Variants in TNIK observed in about 807,000 individuals in gnomAD.
The protein encoded by TNIK is TRAF2 and NCK interacting kinase.
TNIK carries 49 observed loss-of-function variants against 191.3 expected under a neutral mutation model. The observed-to-expected ratio is 0.26, with a 90% CI of 0.20 to 0.32. The LOEUF (loss-of-function observed/expected upper bound fraction) is 0.32, where lower values mean the gene tolerates loss of function less well. Ranked by LOEUF, TNIK falls within the 10% of genes least tolerant of loss-of-function variation. The pLI is 1.00. For synonymous variants in TNIK, 594 were observed against 600.9 expected, an observed-to-expected ratio of 0.99 and a Z score of 0.17; for missense variants, 1,155 against 1,702.3, an observed-to-expected ratio of 0.68 and a Z score of 5.66.
At chr3:171,305,672 A>T (rs7634626) in intron 2 of TNIK, among the ~76,000 whole-genome samples, 70,659 of 151,970 alleles carry the variant, frequency 0.46, 17,070 homozygotes, top group Non-Finnish European at 0.51. Context: ...AGATACAATC[A>T]CACACCAGTC....
chr3:171,419,051 A>G (rs1257718938), intron 1 of TNIK, among the ~76,000 whole-genome samples: 1 of 152,168 alleles, frequency 6.6e-6, no homozygotes, highest in Non-Finnish European at 1.5e-5. Flanking sequence ...TAAGTATATT[A>G]ATCCTACCAG....
intron 2 of TNIK, among the ~76,000 whole-genome samples, chr3:171,339,103 T>A (rs902638358): frequency 2.0e-5 from 3 of 152,252 alleles, no homozygotes; most frequent in African/African-American, 2.4e-5. Context: ...GAGGGCTAAA[T>A]ACACATTTCT....
chr3:171,315,992 C>T (rs1360903888), intron 2 of TNIK, among the ~76,000 whole-genome samples: 1 of 152,168 alleles, frequency 6.6e-6, no homozygotes, highest in Admixed American at 6.6e-5. Flanking sequence ...TTTTATACTA[C>T]TGCCTTCTTA....
At chr3:171,313,866 C>A (rs919538106) in intron 2 of TNIK, among the ~76,000 whole-genome samples, 8 of 152,096 alleles carry the variant, frequency 5.3e-5, no homozygotes, top group Admixed American at 3.9e-4. Context: ...GATCTGAGTG[C>A]CTTGAGAACT....
At chr3:171,430,953 G>A (rs1725298432) in intron 1 of TNIK, among the ~76,000 whole-genome samples, 1 of 152,070 alleles carries the variant, frequency 6.6e-6, no homozygotes, top group African/African-American at 2.4e-5. Flanking sequence ...TTTGCATGTT[G>A]CAGAAGATAA....
At chr3:171,356,861 G>A (rs1221797042) in intron 2 of TNIK, among the ~76,000 whole-genome samples, 1 of 152,030 alleles carries the variant, frequency 6.6e-6, no homozygotes, top group Non-Finnish European at 1.5e-5. Context: ...TGAATATGAA[G>A]GTTTCAAAAC....
rs73030920 is a variant in TNIK, at chr3:171,277,570, T to C, written c.124-49349A>G. On this transcript the variant is annotated intron_variant, in intron 2 of 32. Coordinates refer to ENST00000436636, the MANE Select transcript of TNIK (RefSeq NM_015028.4). ...ACGTATCAGCAACTTACCAGAGGAGTTTCTGTGGGCTGGTTTAGGAAATGA... is the reference window on the plus strand; with the variant it reads ...ACGTATCAGCAACTTACCAGAGGAGCTTCTGTGGGCTGGTTTAGGAAATGA... 1.6e-3 allele frequency among the ~76,000 whole-genome samples: 244 copies of C among 151,340 alleles called. 1 individual carries two copies. The highest frequency in any genetic ancestry group is 5.7e-3 in the African/African-American group (237 of 41,246).
At chr3:171,110,334 C>CTAAACAGGACA (rs1725653670) in intron 19 of TNIK, among the ~76,000 whole-genome samples, 1 of 152,118 alleles carries the variant, frequency 6.6e-6, no homozygotes, top group Non-Finnish European at 1.5e-5. Flanking sequence ...GTTCAGAATA[C>CTAAACAGGACA]TAAACAGGAC....
intron 11 of TNIK, among the ~76,000 whole-genome samples, chr3:171,158,114 C>A (rs148198393): frequency 9.4e-4 from 143 of 152,340 alleles, no homozygotes; most frequent in African/African-American, 3.4e-3. Context: ...CCCCCTCACA[C>A]CAAACCCCAT....
At chr3:171,156,341 T>C (rs985658603) in intron 12 of TNIK, among the ~76,000 whole-genome samples, 3 of 152,208 alleles carry the variant, frequency 2.0e-5, no homozygotes, top group African/African-American at 4.8e-5. Context: ...TGGACCTTGA[T>C]GTACCATTTA....
chr3:171,310,553 A>G (rs1753910341), intron 2 of TNIK, among the ~76,000 whole-genome samples: 1 of 152,206 alleles, frequency 6.6e-6, no homozygotes, highest in Non-Finnish European at 1.5e-5. Flanking sequence ...AAGATACTTC[A>G]TACAGTACAT....
intron 2 of TNIK, among the ~76,000 whole-genome samples, chr3:171,365,161 C>CTTTT (rs60887361): frequency 0.016 from 499 of 31,930 alleles, 170 homozygotes; most frequent in Middle Eastern, 0.053. Flanking sequence ...GGACTACATT[C>CTTTT]TTTTTTTTTT....
intron 2 of TNIK, among the ~76,000 whole-genome samples, chr3:171,256,433 G>A (rs1253776294): frequency 6.6e-6 from 1 of 152,230 alleles, no homozygotes; most frequent in Non-Finnish European, 1.5e-5. Context: ...CCAATGGGGA[G>A]ATGCAATCTT....
At chr3:171,089,347 ATG>A (rs1319664079) in intron 23 of TNIK, among the ~76,000 whole-genome samples, 2 of 152,196 alleles carry the variant, frequency 1.3e-5, no homozygotes, top group African/African-American at 4.8e-5. Flanking sequence ...GTGCTACTTT[ATG>A]TATACTGGGC....
chr3:171,415,610 C>A (rs909443834), intron 1 of TNIK, among the ~76,000 whole-genome samples: 3 of 151,854 alleles, frequency 2.0e-5, no homozygotes, highest in Non-Finnish European at 2.9e-5. Flanking sequence ...TGTACAGAAC[C>A]CCTAGGATTG....
chr3:171,102,270 T>C (rs1723700484), intron 21 of TNIK, among the ~76,000 whole-genome samples: 1 of 152,312 alleles, frequency 6.6e-6, no homozygotes, highest in East Asian at 1.9e-4. Flanking sequence ...ACAAGAGTTC[T>C]CTTCCAAAAT....
chr3:171,267,953 T>TG (rs1748593039), intron 2 of TNIK, among the ~76,000 whole-genome samples: 1 of 152,218 alleles, frequency 6.6e-6, no homozygotes, highest in Non-Finnish European at 1.5e-5. Context: ...GCCTTGCTGA[T>TG]GGCCCCAGAG....
At chr3:171,238,887 G>GT (rs1463469649) in intron 2 of TNIK, among the ~76,000 whole-genome samples, 1 of 152,154 alleles carries the variant, frequency 6.6e-6, no homozygotes, top group Non-Finnish European at 1.5e-5. Context: ...TCCCAAAAAT[G>GT]TATGTTCTTT....
chr3:171,442,748 A>G (rs931579775), intron 1 of TNIK, among the ~76,000 whole-genome samples: 2 of 152,162 alleles, frequency 1.3e-5, no homozygotes, highest in Admixed American at 6.6e-5. Context: ...CAGATTTCCC[A>G]TGCTAATTTT....
Sources: allele counts gnomAD v4.1 joint callset (sites outside exome capture counted in the v4.1 genomes callset), GRCh38; gene constraint gnomAD v4.1.1; transcripts MANE v1.5; gene names NCBI Gene and HGNC (gene_info 2026-07-23, HGNC 2026-07-21).